HIF1A: variants seen among roughly 807,000 people sequenced by gnomAD.
HIF1A encodes the protein hypoxia inducible factor 1 subunit alpha.
Under a neutral mutation model 92.7 loss-of-function variants are expected in HIF1A, and 24 were observed. The ratio of observed to expected loss-of-function variants is 0.26; its 90% CI spans 0.19 to 0.36. The LOEUF is 0.36. Among genes scored for constraint, HIF1A ranks in the 10% least tolerant of loss-of-function variants. HIF1A has a pLI of 1.00. For missense variants in HIF1A, 799 were observed against 998.5 expected (o/e 0.80, Z 2.69); for synonymous variants, 319 against 338.7 (o/e 0.94, Z 0.64).
intron 4 of HIF1A, among the ~76,000 whole-genome samples, chr14:61,725,699 G>A (rs986161429): frequency 1.3e-5 from 2 of 151,890 alleles, no homozygotes; most frequent in African/African-American, 4.8e-5. Context: ...ACAGGCATGA[G>A]GCATAAGCCA....
At chr14:61,714,991 G>A (rs376675622) in intron 1 of HIF1A, among the ~76,000 whole-genome samples, 2 of 151,964 alleles carry the variant, frequency 1.3e-5, no homozygotes, top group African/African-American at 2.4e-5. Context: ...CCGAGATCGC[G>A]CCATTGCACT....
Position 61,721,491 on chromosome 14 carries a change from T to A in HIF1A, c.227-18T>A. The A allele has an allele frequency of 1.9e-6, 3 of 1,601,322 alleles. No individual in the cohort carries two copies. Among genetic ancestry groups the A allele is most frequent in the Non-Finnish European group, 2.6e-6 (3 of 1,172,136 alleles). ...AACTTTTTAACTAATTATTTTCCTC[T>A]TCTTGTGCCCTTTTTAGGTGATTTG... On this transcript the variant is annotated intron_variant, in intron 2 of 14. Transcript: ENST00000337138.
At chr14:61,742,685 A>G (rs920047665) in intron 12 of HIF1A, among the ~76,000 whole-genome samples, 3 of 152,032 alleles carry the variant, frequency 2.0e-5, no homozygotes, top group African/African-American at 7.2e-5. Flanking sequence ...CAAGAGTTTC[A>G]GACCAGCCTG....
chr14:61,700,566 G>A (rs1397020201), intron 1 of HIF1A, among the ~76,000 whole-genome samples: 2 of 152,174 alleles, frequency 1.3e-5, no homozygotes, highest in African/African-American at 4.8e-5. Context: ...CACTTGGGTT[G>A]CTTCCACATC....
At chr14:61,698,836 A>C (rs1374859160) in intron 1 of HIF1A, 1 of 152,162 alleles carries the variant, frequency 6.6e-6, no homozygotes, top group African/African-American at 2.4e-5. Flanking sequence ...TTTCTCCCCA[A>C]ATAGAATACT....
chr14:61,697,465 A>C (rs772754518), intron 1 of HIF1A, among the ~76,000 whole-genome samples: 2 of 152,156 alleles, frequency 1.3e-5, no homozygotes, highest in Non-Finnish European at 2.9e-5. Flanking sequence ...CACTTTTTTT[A>C]TATACAGTAT....
intron 1 of HIF1A, among the ~76,000 whole-genome samples, chr14:61,705,053 T>C (rs1326088431): frequency 1.3e-5 from 2 of 152,176 alleles, no homozygotes; most frequent in African/African-American, 2.4e-5. Flanking sequence ...ACACAAAACA[T>C]TCTCACAAGA....
chr14:61,741,364 C>T (rs1248981606), intron 12 of HIF1A, among the ~76,000 whole-genome samples, 176 bp downstream of exon 12: 1 of 137,040 alleles, frequency 7.3e-6, no homozygotes, highest in African/African-American at 2.7e-5. Context: ...CTTTTTCTTT[C>T]TTTTTTTTTT....
chr14:61,698,535 G>A (rs147681046), intron 1 of HIF1A, among the ~76,000 whole-genome samples: 183 of 152,290 alleles, frequency 1.2e-3, no homozygotes, highest in African/African-American at 4.1e-3. Flanking sequence ...GATGTTACCT[G>A]TTAAAATTCT....
chr14:61,744,780 A>G lies in HIF1A; in HGVS notation c.2169A>G (p.Glu723=). Reference sequence around the variant, plus strand: ...ATGCTCAGAGAAAGCGAAAAATGGAACATGATGGTTCACTTTTTCAAGCAG... The same window carrying G: ...ATGCTCAGAGAAAGCGAAAAATGGAGCATGATGGTTCACTTTTTCAAGCAG... ...LQNAQRKRKM[E]HDGSLFQAVG... is the part of the protein sequence containing the mutation. Residue 723 remains glutamate, a synonymous_variant, in exon 13 of 15, where the codon GAA becomes GAG. Coordinates refer to ENST00000337138, the MANE Select transcript of HIF1A (RefSeq NM_001530.4). 6.3e-7 allele frequency: 1 copy of G among 1,594,978 alleles called. No homozygotes were observed.
rs527752212 is a variant in HIF1A, at chr14:61,695,752, G to A, written c.-53G>A. 1.1e-4 allele frequency: 164 copies of A among 1,558,996 alleles called. 1 individual carries two copies. In the African/African-American group the frequency reaches 2.1e-3, roughly 20 times the overall value. On this transcript the variant is annotated 5_prime_UTR_variant, in exon 1 of 15. Coordinates refer to ENST00000337138, the MANE Select transcript of HIF1A (RefSeq NM_001530.4). ...TGTGGAGGGAGCCAGCGCTTAGGCC[G>A]GAGCGAGCCTGGGGGCCGCCCGCCG...
At chr14:61,736,842 G>A (rs371598872) in intron 8 of HIF1A, 47 bp from the exon 9 acceptor site, 405 of 1,314,676 alleles carry the variant, frequency 3.1e-4, no homozygotes, top group Non-Finnish European at 4.2e-4. Flanking sequence ...TCCCCTCACT[G>A]TATCAAGTGC....
chr14:61,697,945 T>A, intron 1 of HIF1A: 1 of 1,506,844 alleles, frequency 6.6e-7, no homozygotes. Context: ...GAAATCAGAA[T>A]AGAAAATGGG....
rs757460409 is a variant in HIF1A at position 61,695,647 on chromosome 14, C to T, written c.-158C>T. On this transcript the variant is annotated 5_prime_UTR_variant, in exon 1 of 15. Coordinates refer to ENST00000337138, the MANE Select transcript of HIF1A (RefSeq NM_001530.4). ...CGGGCCCGGACCCCGGCGATTGCCG[C>T]CCGCTTCTCTCTAGTCTCACGAGGG... is the stretch of plus-strand genomic sequence containing the variant. 5 of 770,084 alleles carry T rather than the reference C, an allele frequency of 6.5e-6. No individual in the cohort carries two copies. Among genetic ancestry groups the T allele is most frequent in the Non-Finnish European group, 1.0e-5 (5 of 487,746 alleles). 47.7% of individuals were successfully genotyped at this position (770,084 alleles called of 1,614,324 possible).
intron 10 of HIF1A, 160 bp from the exon 11 acceptor site, chr14:61,740,345 G>A (rs1461394684): frequency 1.1e-5 from 6 of 523,714 alleles, no homozygotes; most frequent in East Asian, 3.3e-5. Context: ...GATTACAGGC[G>A]TGAGCCACTG....
In HIF1A at chr14:61,695,522, T is replaced by A. The variant is rs1038424489; in HGVS notation, c.-283T>A. 20 of 502,866 alleles carry A rather than the reference T, an allele frequency of 4.0e-5. No homozygotes were observed. The highest frequency in any genetic ancestry group is 6.4e-5 in the Non-Finnish European group (18 of 282,056). 31.2% of individuals were successfully genotyped at this position (502,866 alleles called of 1,614,324 possible). On this transcript the variant is annotated 5_prime_UTR_variant, in exon 1 of 15. Coordinates refer to ENST00000337138, the MANE Select transcript of HIF1A (RefSeq NM_001530.4). ...GCTGCCTCAGCTCCTCAGTGCACAG[T>A]GCTGCCTCGTCTGAGGGGACAGGAG...
chr14:61,745,920 C>G lies in HIF1A; in HGVS notation c.2329+103C>G, dbSNP rs1431814119. ...AGTGAGAATGACTTTGGTTCCTTAG[C>G]AAGATTAAAAAGTAAAGTTGTGGCT... is the stretch of plus-strand genomic sequence containing the variant. On this transcript the variant is annotated intron_variant, in intron 14 of 14. Coordinates refer to ENST00000337138, the MANE Select transcript of HIF1A (RefSeq NM_001530.4). 3 of 1,112,168 alleles carry G rather than the reference C, an allele frequency of 2.7e-6. No homozygotes were observed. The African/African-American group carries it at 4.7e-5, about 18-fold the overall frequency. 68.9% of individuals were successfully genotyped at this position (1,112,168 alleles called of 1,614,324 possible). A position where few individuals can be genotyped will look rare whatever the true frequency, so the allele number is the denominator to read the frequency against.
In HIF1A at chr14:61,745,758, G is replaced by C; in HGVS notation, c.2270G>C (p.Gly757Ala). Residue 757 changes from glycine to alanine, a missense_variant, in exon 14 of 15, where the codon GGA (glycine) becomes GCA (alanine). Around this residue, in one of 2 missense-constraint regions of HIF1A, gnomAD observed 283 missense variants for 277.5 expected, o/e 1.02. Coordinates refer to ENST00000337138, the MANE Select transcript of HIF1A (RefSeq NM_001530.4). ...TTSLSWKRVK[G>A]CKSSEQNGME... Reference sequence around the variant, plus strand: ...TCACTTTCTTGGAAACGTGTAAAAGGATGCAAATCTAGTGAACAGAATGGA... The same window carrying C: ...TCACTTTCTTGGAAACGTGTAAAAGCATGCAAATCTAGTGAACAGAATGGA... 1 of 1,611,796 alleles carries C rather than the reference G, an allele frequency of 6.2e-7. No homozygotes were observed. Among genetic ancestry groups the C allele is most frequent in the Non-Finnish European group, 8.5e-7 (1 of 1,177,910 alleles).
intron 12 of HIF1A, among the ~76,000 whole-genome samples, chr14:61,743,272 G>C (rs932796473): frequency 6.6e-6 from 1 of 151,926 alleles, no homozygotes; most frequent in Non-Finnish European, 1.5e-5. Context: ...TGTTTCTCCA[G>C]GTTGATCAGG....
Sources: allele counts gnomAD v4.1 joint callset (sites outside exome capture counted in the v4.1 genomes callset), GRCh38; gene constraint gnomAD v4.1.1; regional missense constraint gnomAD v4.1.1; transcripts MANE v1.5; gene names NCBI Gene and HGNC (gene_info 2026-07-23, HGNC 2026-07-21).